Variants in NADK2 observed in about 807,000 individuals in gnomAD.
NADK2 encodes NAD kinase domain-containing protein 1, mitochondrial.
In NADK2, 35 loss-of-function variants were observed where a neutral mutation model predicts 62.1. The ratio of observed to expected loss-of-function variants is 0.56; its 90% confidence interval spans 0.43 to 0.75. NADK2 has a LOEUF of 0.75. Ranked by LOEUF, NADK2 falls within the 30% of genes least tolerant of loss-of-function variation. NADK2 has a pLI of 0.00. For synonymous variants in NADK2, 205 were observed against 207.9 expected (o/e 0.99, Z 0.12); for missense variants, 439 against 561.3 (o/e 0.78, Z 2.20).
In NADK2 at chr5:36,201,089, G is replaced by T; in HGVS notation, c.1012+17C>A. On this transcript the variant is annotated intron_variant, in intron 9 of 11. Transcript: ENST00000381937. The stretch of plus-strand genomic sequence containing the variant: ...CGGATAAGAGGGGACTACTCCAATA[G>T]CTGTTTTGGTACTCACCAATATTTA... 1 of 1,609,790 alleles carries T rather than the reference G, an allele frequency of 6.2e-7. No homozygotes were observed. Among genetic ancestry groups the T allele is most frequent in the Non-Finnish European group, 8.5e-7 (1 of 1,176,846 alleles).
At chr5:36,218,648 T>C (rs1747138591) in intron 5 of NADK2, among the ~76,000 whole-genome samples, 1 of 152,206 alleles carries the variant, frequency 6.6e-6, no homozygotes, top group African/African-American at 2.4e-5. Context: ...CTATAAAATC[T>C]AGTCCAAGTC....
intron 1 of NADK2, among the ~76,000 whole-genome samples, chr5:36,235,780 T>C (rs1053497286): frequency 2.0e-5 from 3 of 152,014 alleles, no homozygotes; most frequent in African/African-American, 7.2e-5. Context: ...ACCTTTCATT[T>C]AGGAAGAGGA....
chr5:36,208,556 C>A, intron 7 of NADK2: 1 of 1,094,002 alleles, frequency 9.1e-7, no homozygotes, highest in South Asian at 1.5e-5. Context: ...CAAGATTTAT[C>A]AAGATTAGTC....
intron 1 of NADK2, among the ~76,000 whole-genome samples, chr5:36,234,290 G>A (rs13163528): frequency 0.43 from 63,124 of 148,436 alleles, 15,818 homozygotes; most frequent in Non-Finnish European, 0.57. Context: ...GGAGAATGGC[G>A]TGAACCCGGG....
At chr5:36,200,751 C>T (rs1746413511) in intron 9 of NADK2, among the ~76,000 whole-genome samples, 2 of 151,884 alleles carry the variant, frequency 1.3e-5, no homozygotes, top group Non-Finnish European at 2.9e-5. Context: ...GTTATTAGAT[C>T]GACTGTCATG....
chr5:36,200,204 G>C (rs1242594655), intron 10 of NADK2, 23 bp downstream of exon 10: 1 of 1,535,598 alleles, frequency 6.5e-7, no homozygotes, highest in Non-Finnish European at 8.8e-7. Flanking sequence ...AACTGTTAGT[G>C]ATTATTATCA....
chr5:36,240,763 C>G (rs1479962446), intron 1 of NADK2, among the ~76,000 whole-genome samples: 1 of 152,134 alleles, frequency 6.6e-6, no homozygotes, highest in African/African-American at 2.4e-5. Flanking sequence ...GCACAAGAGT[C>G]GCAGGCTTTT....
intron 4 of NADK2, 52 bp downstream of exon 4, chr5:36,225,490 A>C: frequency 4.1e-6 from 6 of 1,479,598 alleles, no homozygotes; most frequent in African/African-American, 1.4e-5. Context: ...CTAAAAAAAA[A>C]CTTAAAAAGC....
chr5:36,199,719 A>C (rs938095113), intron 10 of NADK2, among the ~76,000 whole-genome samples: 3 of 152,048 alleles, frequency 2.0e-5, no homozygotes, highest in Non-Finnish European at 4.4e-5. Context: ...TTCACAGCTG[A>C]TGTAGTAGAT....
At chr5:36,204,308 A>C (rs763709771) in intron 8 of NADK2, among the ~76,000 whole-genome samples, 1 of 152,146 alleles carries the variant, frequency 6.6e-6, no homozygotes, top group Non-Finnish European at 1.5e-5. Flanking sequence ...TTGGCAGGCA[A>C]GGGAATTTGT....
chr5:36,215,224 C>T (rs1746998227), intron 6 of NADK2, among the ~76,000 whole-genome samples: 1 of 152,038 alleles, frequency 6.6e-6, no homozygotes, highest in Non-Finnish European at 1.5e-5. Flanking sequence ...AACATTTTAC[C>T]ATTAATTATG....
intron 1 of NADK2, among the ~76,000 whole-genome samples, chr5:36,232,678 T>C (rs1747750757): frequency 6.6e-6 from 1 of 152,190 alleles, no homozygotes. Context: ...CAACGTTCTC[T>C]ATTTCTGCAT....
At position 36,205,540 on chromosome 5, in the gene NADK2, G is replaced by A. The variant is rs1746603727; in HGVS notation, c.956+1630C>T. Among the ~76,000 whole-genome samples the A allele has an allele frequency of 6.6e-6, 1 of 152,060 alleles. No individual in the cohort carries two copies. The highest frequency in any genetic ancestry group is 1.5e-5 in the Non-Finnish European group (1 of 67,994). ...AAGATCGCTAAGGTCATATGTTAAA[G>A]GGCCTCAAATGACAGATTAAGCAAT... is the stretch of plus-strand genomic sequence containing the variant. On this transcript the variant is annotated intron_variant, in intron 8 of 11. Coordinates refer to ENST00000381937, the MANE Select transcript of NADK2 (RefSeq NM_001085411.3). The surrounding 1 kb of genome is among the most constrained non-coding windows in gnomAD (Gnocchi z 4.1).
chr5:36,207,843 A>C (rs895645919), intron 7 of NADK2, among the ~76,000 whole-genome samples: 1 of 152,182 alleles, frequency 6.6e-6, no homozygotes, highest in African/African-American at 2.4e-5. Flanking sequence ...GAAATAAACC[A>C]GAACTATAAA....
At chr5:36,225,657 C>A in intron 3 of NADK2, 34 bp from the exon 4 acceptor site, 1 of 1,579,060 alleles carries the variant, frequency 6.3e-7, no homozygotes. Context: ...AAGACATAAC[C>A]AAATTTCTGT....
chr5:36,228,210 T>C (rs1221235101), intron 1 of NADK2, among the ~76,000 whole-genome samples: 1 of 152,186 alleles, frequency 6.6e-6, no homozygotes, highest in African/African-American at 2.4e-5. Flanking sequence ...GAGTAACATT[T>C]TATAACTATC....
chr5:36,223,324 G>A (rs1488046093), intron 4 of NADK2, among the ~76,000 whole-genome samples: 2 of 152,088 alleles, frequency 1.3e-5, no homozygotes, highest in Non-Finnish European at 2.9e-5. Flanking sequence ...GAAACTATAA[G>A]GGTAAGAATG....
intron 4 of NADK2, among the ~76,000 whole-genome samples, chr5:36,224,240 A>G (rs1256381068): frequency 6.6e-6 from 1 of 152,204 alleles, no homozygotes; most frequent in African/African-American, 2.4e-5. Flanking sequence ...GTACTGATGC[A>G]GAAGTAGAAA....
At chr5:36,196,373 A>T (rs1029822125) in intron 11 of NADK2, among the ~76,000 whole-genome samples, 5 of 152,182 alleles carry the variant, frequency 3.3e-5, no homozygotes, top group African/African-American at 1.2e-4. Context: ...AGCATTTCCC[A>T]GATGAATAAT....
Sources: allele counts gnomAD v4.1 joint callset (sites outside exome capture counted in the v4.1 genomes callset), GRCh38; gene constraint gnomAD v4.1.1; non-coding constraint Gnocchi (gnomAD v3.1); transcripts MANE v1.5; gene names NCBI Gene and HGNC (gene_info 2026-07-23, HGNC 2026-07-21).